Variants in RIMBP2 observed in about 807,000 individuals in gnomAD.
RIMBP2 encodes RIMS binding protein 2, also known as RIMS-binding protein 2.
RIMBP2 carries 48 observed loss-of-function variants against 118.6 expected under a neutral mutation model. The ratio of observed to expected loss-of-function variants is 0.40; its 90% CI spans 0.32 to 0.51. RIMBP2 has a LOEUF of 0.51. Among genes scored for constraint, RIMBP2 ranks in the 20% least tolerant of loss-of-function variants. The probability of loss-of-function intolerance (pLI) is 0.41; values close to 1 mark genes in which losing one functional copy is unlikely to be tolerated. For synonymous variants in RIMBP2, 762 were observed against 742.9 expected (o/e 1.03, Z -0.42); for missense variants, 1,551 against 1,768.3 (o/e 0.88, Z 2.20).
intron 2 of RIMBP2, among the ~76,000 whole-genome samples, chr12:130,603,066 A>G (rs2059964679): frequency 6.6e-6 from 1 of 152,234 alleles, no homozygotes; most frequent in Admixed American, 6.5e-5. Flanking sequence ...CATATTCAAA[A>G]TATATCAAGA....
chr12:130,653,231 C>T (rs570640531), intron 1 of RIMBP2, among the ~76,000 whole-genome samples: 43 of 152,310 alleles, frequency 2.8e-4, no homozygotes, highest in African/African-American at 4.1e-4. Flanking sequence ...AAAATCACGT[C>T]GTTTACTTCC....
rs923205810 is a variant in RIMBP2 at position 130,424,169 on chromosome 12, T to C, written c.3102A>G (p.Pro1034=). 5.7e-6 allele frequency: 7 copies of C among 1,231,784 alleles called. No homozygotes were observed. The highest frequency in any genetic ancestry group is 3.1e-4 in the Middle Eastern group (1 of 3,230). 76.3% of individuals were successfully genotyped at this position (1,231,784 alleles called of 1,614,324 possible). A position where few individuals can be genotyped will look rare whatever the true frequency, so the allele number is the denominator to read the frequency against. The change falls in exon 16 of 23, where the codon CCA becomes CCG. Residue 1034 remains proline, a synonymous_variant. Coordinates refer to ENST00000690449, the MANE Select transcript of RIMBP2 (RefSeq NM_001393629.1). The surrounding 1 kb of genome is among the most constrained non-coding windows in gnomAD (Gnocchi z 9.8). ...GGGGGCCTTGTGCGACTCTGGGAGG[T>C]GGCTTTGCGTGGGGGGCAGCTGCCC... The part of the protein sequence containing the change: ...DSRAAAPHAK[P]PPRVAQGPLI...
chr12:130,580,038 A>AAT (rs1156343683), intron 2 of RIMBP2, among the ~76,000 whole-genome samples: 1 of 149,488 alleles, frequency 6.7e-6, no homozygotes, highest in Non-Finnish European at 1.5e-5. Flanking sequence ...CAAAAAAAAA[A>AAT]AAAAAAAAAA....
chr12:130,615,671 G>A (rs1431944919), intron 2 of RIMBP2, among the ~76,000 whole-genome samples: 1 of 152,134 alleles, frequency 6.6e-6, no homozygotes, highest in East Asian at 1.9e-4. Flanking sequence ...GGATACAGGT[G>A]TTTGTCTTTG....
intron 14 of RIMBP2, 101 bp from the exon 15 acceptor site, chr12:130,428,438 C>A (rs1456084282): frequency 1.5e-6 from 2 of 1,292,264 alleles, no homozygotes; most frequent in Admixed American, 2.1e-5. Flanking sequence ...CGCTGACTCA[C>A]GGGGCTCACA....
At chr12:130,606,402 C>T (rs1199800905) in intron 2 of RIMBP2, among the ~76,000 whole-genome samples, 2 of 152,142 alleles carry the variant, frequency 1.3e-5, no homozygotes, top group African/African-American at 4.8e-5. Flanking sequence ...GAGGCACAAG[C>T]GTGACGCGTG....
In RIMBP2 at chr12:130,475,618, C is replaced by T. The variant is rs1044739955; in HGVS notation, c.102+3294G>A. On this transcript the variant is annotated intron_variant, in intron 5 of 22. Coordinates refer to ENST00000690449, the MANE Select transcript of RIMBP2 (RefSeq NM_001393629.1). The surrounding 1 kb of genome is among the most constrained non-coding windows in gnomAD (Gnocchi z 4.1). ...GAAGAGGCCAGGGGCTCCAGGCGGG[C>T]GTCTCCAAGGGGAAAATGGAATCAG... Among the ~76,000 whole-genome samples, 3 of 151,978 alleles carry T rather than the reference C, an allele frequency of 2.0e-5. No homozygotes were observed. Among genetic ancestry groups the T allele is most frequent in the African/African-American group, 7.3e-5 (3 of 41,376 alleles).
chr12:130,617,684 C>T lies in RIMBP2; in HGVS notation c.-217+10638G>A, dbSNP rs968693630. Among the ~76,000 whole-genome samples the T allele has an allele frequency of 1.3e-5, 2 of 152,210 alleles. No homozygotes were observed. The highest frequency in any genetic ancestry group is 2.9e-5 in the Non-Finnish European group (2 of 68,038). On this transcript the variant is annotated intron_variant, in intron 2 of 22. Transcript: ENST00000690449. The surrounding 1 kb of genome is among the most constrained non-coding windows in gnomAD (Gnocchi z 4.6). The stretch of plus-strand genomic sequence containing the variant: ...CTTGGGCTGAGTGTCTATGACCTGA[C>T]GCTAAGCAGCCCAGCACCTTCAGTC...
chr12:130,634,064 G>T (rs1289128473), intron 1 of RIMBP2, among the ~76,000 whole-genome samples: 2 of 152,170 alleles, frequency 1.3e-5, no homozygotes, highest in African/African-American at 2.4e-5. Context: ...TGAGTCACAG[G>T]GGGGACAAGC....
intron 9 of RIMBP2, among the ~76,000 whole-genome samples, chr12:130,445,581 C>A (rs2078458355): frequency 2.0e-5 from 3 of 152,204 alleles, no homozygotes. Flanking sequence ...AACTATACAT[C>A]TCCAAATTAG....
intron 2 of RIMBP2, among the ~76,000 whole-genome samples, chr12:130,586,085 A>G (rs903550629): frequency 4.6e-5 from 7 of 152,244 alleles, no homozygotes; most frequent in African/African-American, 1.7e-4. Flanking sequence ...GTGATTAACC[A>G]GGAAATATTC....
chr12:130,600,801 C>T (rs1324120834), intron 2 of RIMBP2, among the ~76,000 whole-genome samples: 1 of 152,178 alleles, frequency 6.6e-6, no homozygotes, highest in Non-Finnish European at 1.5e-5. Context: ...GCCAGAAGCC[C>T]GTGATCCGGT....
At chr12:130,485,477 G>C (rs1407085196) in intron 4 of RIMBP2, among the ~76,000 whole-genome samples, 1 of 152,250 alleles carries the variant, frequency 6.6e-6, no homozygotes, top group Non-Finnish European at 1.5e-5. Context: ...GAGCACTACG[G>C]GGGCCAGGGC....
chr12:130,521,797 A>G (rs2052155195), intron 2 of RIMBP2, among the ~76,000 whole-genome samples: 1 of 152,192 alleles, frequency 6.6e-6, no homozygotes, highest in African/African-American at 2.4e-5. Context: ...CAGCTTCCAG[A>G]TATCTTCTTG....
chr12:130,559,819 G>C lies in RIMBP2; in HGVS notation c.-216-41902C>G, dbSNP rs185141713. Among the ~76,000 whole-genome samples the C allele has an allele frequency of 5.1e-4, 77 of 152,330 alleles. No homozygotes were observed. The East Asian group carries it at 8.7e-3, about 17-fold the overall frequency. On this transcript the variant is annotated intron_variant, in intron 2 of 22. Transcript: ENST00000690449. ...AGCAGGTATTTAGATCCCAGATCTA[G>C]CACTTTGTAACCAGATGACCTCGAG...
In RIMBP2 at chr12:130,576,145, G is replaced by A. The variant is rs1394398589; in HGVS notation, c.-217+52177C>T. 1.3e-5 allele frequency among the ~76,000 whole-genome samples: 2 copies of A among 152,142 alleles called. No homozygotes were observed. The highest frequency in any genetic ancestry group is 3.9e-4 in the East Asian group (2 of 5,164). ...CTGCGGACAGGTGAGGGGGAGGAGGGGGCTGCAGATCGTACCTTGTAGGCC... is the reference window on the plus strand; with the variant it reads ...CTGCGGACAGGTGAGGGGGAGGAGGAGGCTGCAGATCGTACCTTGTAGGCC... On this transcript the variant is annotated intron_variant, in intron 2 of 22. Transcript: ENST00000690449. This position sits in a 1 kb window ranked among gnomAD's most constrained non-coding sequence, Gnocchi z 4.2.
intron 4 of RIMBP2, among the ~76,000 whole-genome samples, chr12:130,502,691 G>A (rs7310746): frequency 0.29 from 43,490 of 152,056 alleles, 6,734 homozygotes; most frequent in African/African-American, 0.38. Flanking sequence ...GCCTGACAGT[G>A]TATCACACGC....
At chr12:130,421,722 TG>T (rs2076423627) in intron 17 of RIMBP2, among the ~76,000 whole-genome samples, 1 of 151,980 alleles carries the variant, frequency 6.6e-6, no homozygotes. Context: ...TGTGTGTGTG[TG>T]TTTTCATAGA....
chr12:130,663,289 C>T (rs1297464597), intron 1 of RIMBP2, among the ~76,000 whole-genome samples: 1 of 152,164 alleles, frequency 6.6e-6, no homozygotes, highest in East Asian at 1.9e-4. Context: ...CAGCCCTGTC[C>T]ATGCGCCCTG....
Sources: allele counts gnomAD v4.1 joint callset (sites outside exome capture counted in the v4.1 genomes callset), GRCh38; gene constraint gnomAD v4.1.1; non-coding constraint Gnocchi (gnomAD v3.1); transcripts MANE v1.5; gene names NCBI Gene and HGNC (gene_info 2026-07-23, HGNC 2026-07-21).